NTNG1: variants seen among roughly 807,000 people sequenced by gnomAD.
NTNG1 encodes netrin-G1.
A neutral mutation model predicts 54.0 loss-of-function variants in NTNG1; 16 were observed. That is an observed-to-expected ratio of 0.30 (90% CI 0.20 to 0.45). The LOEUF (loss-of-function observed/expected upper bound fraction) is 0.45, where lower values mean the gene tolerates loss of function less well. NTNG1 is among the 20% of genes least tolerant of loss of function. NTNG1 has a pLI of 1.00. For synonymous variants in NTNG1, 255 were observed against 263.1 expected, an observed-to-expected ratio of 0.97 and a Z score of 0.30; for missense variants, 530 against 678.7, an observed-to-expected ratio of 0.78 and a Z score of 2.43.
intron 3 of NTNG1, among the ~76,000 whole-genome samples, chr1:107,380,335 G>A (rs1175696809): frequency 6.6e-6 from 1 of 152,134 alleles, no homozygotes; most frequent in Admixed American, 6.5e-5. Context: ...ATTGCTAATA[G>A]GACTTGGGGG....
chr1:107,187,472 C>T (rs1033428757), intron 2 of NTNG1, among the ~76,000 whole-genome samples: 5 of 152,150 alleles, frequency 3.3e-5, no homozygotes, highest in African/African-American at 1.2e-4. Context: ...TAAGCTCTAG[C>T]ATATCACTGA....
intron 3 of NTNG1, among the ~76,000 whole-genome samples, chr1:107,368,140 T>C (rs1295803504): frequency 6.6e-6 from 1 of 152,138 alleles, no homozygotes; most frequent in African/African-American, 2.4e-5. Flanking sequence ...GTCCCCATTA[T>C]CTCCAGGATT....
chr1:107,140,963 C>A (rs527801708), upstream of NTNG1: 1 of 152,510 alleles, frequency 6.6e-6, no homozygotes. Flanking sequence ...GGAGAGGCAC[C>A]TTTCTCATCC....
chr1:107,172,909 C>T (rs778984871), intron 2 of NTNG1, among the ~76,000 whole-genome samples: 42 of 152,100 alleles, frequency 2.8e-4, no homozygotes, highest in Non-Finnish European at 5.3e-4. Context: ...GATAATTTGG[C>T]AATGTCCTTC....
chr1:107,213,977 C>T (rs999136179), intron 2 of NTNG1, among the ~76,000 whole-genome samples: 15 of 152,066 alleles, frequency 9.9e-5, no homozygotes, highest in African/African-American at 3.4e-4. Context: ...AATCCTTCAT[C>T]AGACATATGT....
At position 107,428,047 on chromosome 1, in the gene NTNG1, A is replaced by C. The variant is rs761253511; in HGVS notation, c.1088-2703A>C. Among the ~76,000 whole-genome samples, 41 of 152,260 alleles carry C rather than the reference A, an allele frequency of 2.7e-4. 1 individual carries two copies. The highest frequency in any genetic ancestry group is 3.4e-3 in the Middle Eastern group (1 of 294). On this transcript the variant is annotated intron_variant, in intron 5 of 7. Coordinates refer to ENST00000370068, the MANE Select transcript of NTNG1 (RefSeq NM_001113226.3). ...CAGATAAAGTTTTATCAGGTAGATT[A>C]AAGCATGTAGTTCTGGCCATTGGGC... is the stretch of plus-strand genomic sequence containing the variant.
chr1:107,459,136 G>A (rs144512897), intron 7 of NTNG1, among the ~76,000 whole-genome samples: 27 of 152,208 alleles, frequency 1.8e-4, no homozygotes, highest in African/African-American at 5.8e-4. Flanking sequence ...GTATATCAAA[G>A]AGGAAAAAGT....
At chr1:107,379,104 G>A (rs1367823015) in intron 3 of NTNG1, among the ~76,000 whole-genome samples, 1 of 152,118 alleles carries the variant, frequency 6.6e-6, no homozygotes, top group Non-Finnish European at 1.5e-5. Context: ...TGGATTAAAA[G>A]GCTACCACAC....
chr1:107,473,291 A>G (rs148617652), intron 7 of NTNG1, among the ~76,000 whole-genome samples: 8 of 152,334 alleles, frequency 5.3e-5, no homozygotes, highest in Admixed American at 3.3e-4. Flanking sequence ...ACCTAAATGT[A>G]TAACGTTGAA....
At chr1:107,326,247 C>T (rs1301506996) in intron 3 of NTNG1, among the ~76,000 whole-genome samples, 2 of 151,984 alleles carry the variant, frequency 1.3e-5, no homozygotes, top group East Asian at 1.9e-4. Flanking sequence ...AAGCCTTTAT[C>T]TGCGAAGCTT....
At chr1:107,253,049 C>A (rs1337444184) in intron 2 of NTNG1, among the ~76,000 whole-genome samples, 1 of 151,994 alleles carries the variant, frequency 6.6e-6, no homozygotes, top group Non-Finnish European at 1.5e-5. Context: ...CTAAAGAATA[C>A]CAGGGAAAAC....
intron 7 of NTNG1, among the ~76,000 whole-genome samples, chr1:107,475,852 C>A (rs1678286960): frequency 6.6e-6 from 1 of 152,098 alleles, no homozygotes; most frequent in Non-Finnish European, 1.5e-5. Context: ...CAGTAGTGTG[C>A]CCTCCCTACC....
chr1:107,343,944 C>A (rs1231437093), intron 3 of NTNG1, among the ~76,000 whole-genome samples: 4 of 151,962 alleles, frequency 2.6e-5, no homozygotes, highest in Non-Finnish European at 5.9e-5. Flanking sequence ...ACAAGCGATA[C>A]CTGAAAGGCA....
At position 107,229,303 on chromosome 1, in the gene NTNG1, A is replaced by G. The variant is rs576765688; in HGVS notation, c.246+80464A>G. The stretch of plus-strand genomic sequence containing the variant: ...TCTCAGCCTCATCTGTATACACTTG[A>G]TGTCATTTTCTCATCAAGTATGCCG... On this transcript the variant is annotated intron_variant, in intron 2 of 7. Coordinates refer to ENST00000370068, the MANE Select transcript of NTNG1 (RefSeq NM_001113226.3). Among the ~76,000 whole-genome samples, 12 of 149,726 alleles carry G rather than the reference A, an allele frequency of 8.0e-5. No homozygotes were observed. The South Asian group carries it at 2.2e-3, about 27-fold the overall frequency.
rs554717507 is a variant in NTNG1 at position 107,175,508 on chromosome 1, G to A, written c.246+26669G>A. The stretch of plus-strand genomic sequence containing the variant: ...TATATCCTTCAGCTCTCATTTCAAC[G>A]GCAATCAATGTTCATAGCCCTCCTT... On this transcript the variant is annotated intron_variant, in intron 2 of 7. Transcript: ENST00000370068. Among the ~76,000 whole-genome samples the A allele has an allele frequency of 2.0e-3, 297 of 152,128 alleles. 3 individuals are homozygous for A. The highest frequency in any genetic ancestry group is 2.2e-3 in the Non-Finnish European group (148 of 67,964).
chr1:107,419,698 T>C (rs1674460316), intron 5 of NTNG1, among the ~76,000 whole-genome samples: 1 of 149,794 alleles, frequency 6.7e-6, no homozygotes, highest in African/African-American at 2.4e-5. Context: ...TAAACTCTAA[T>C]GAATACAGAT....
Position 107,436,748 on chromosome 1 carries a change from C to T in NTNG1, c.1339C>T (p.Pro447Ser), listed in dbSNP as rs772000591. The part of the protein sequence containing the change: ...FCECKTGTTG[P>S]KCDECLPGNS... Reference sequence around the variant, plus strand: ...TGAGTGTAAGACTGGAACAACAGGGCCTAAGTGTGATGAGTGTCTGCCGGG... The same window carrying T: ...TGAGTGTAAGACTGGAACAACAGGGTCTAAGTGTGATGAGTGTCTGCCGGG... The change falls in exon 7 of 8, where the codon CCT becomes TCT. Residue 447 changes from proline (P) to serine (S), a missense_variant. By Grantham distance (74) the Pro-to-Ser change is moderately conservative (BLOSUM62 -1). Transcript: ENST00000370068. The T allele has an allele frequency of 1.2e-6, 2 of 1,613,226 alleles. No homozygotes were observed. Among genetic ancestry groups the T allele is most frequent in the East Asian group, 2.2e-5 (1 of 44,798 alleles).
At chr1:107,152,496 T>A (rs974480095) in intron 2 of NTNG1, among the ~76,000 whole-genome samples, 11 of 152,160 alleles carry the variant, frequency 7.2e-5, no homozygotes, top group Non-Finnish European at 1.6e-4. Flanking sequence ...AATGGCAAAA[T>A]TATCTGCAGT....
intron 4 of NTNG1, among the ~76,000 whole-genome samples, chr1:107,398,216 C>A (rs1672805794): frequency 1.3e-5 from 2 of 152,062 alleles, no homozygotes. Flanking sequence ...TGCAGTGCAC[C>A]AGCATGGCAC....
Sources: allele counts gnomAD v4.1 joint callset (sites outside exome capture counted in the v4.1 genomes callset), GRCh38; gene constraint gnomAD v4.1.1; transcripts MANE v1.5; gene names NCBI Gene and HGNC (gene_info 2026-07-23, HGNC 2026-07-21).